The following MARCHF1 variants were observed in gnomAD, a reference collection of about 807,000 sequenced individuals.
The protein encoded by MARCHF1 is E3 ubiquitin-protein ligase MARCHF1.
Under a neutral mutation model 54.2 loss-of-function variants are expected in MARCHF1, and 40 were observed. The observed-to-expected ratio is 0.74, with a 90% confidence interval of 0.57 to 0.96. MARCHF1 has a LOEUF of 0.96. Ranked by LOEUF, MARCHF1 falls within the 40% of genes least tolerant of loss-of-function variation. The probability of loss-of-function intolerance (pLI) is 0.00; values close to 1 mark genes in which losing one functional copy is unlikely to be tolerated. For synonymous variants in MARCHF1, 236 were observed against 236.3 expected (o/e 1.00, Z 0.01); for missense variants, 586 against 656.5 (o/e 0.89, Z 1.17).
At chr4:164,181,502 A>G (rs1730833226) in intron 1 of MARCHF1, among the ~76,000 whole-genome samples, 1 of 152,210 alleles carries the variant, frequency 6.6e-6, no homozygotes, top group Admixed American at 6.5e-5. Context: ...AAAGACTTCA[A>G]TTTGAAGACA....
chr4:163,855,660 A>G (rs765482441), intron 3 of MARCHF1, among the ~76,000 whole-genome samples: 1 of 152,222 alleles, frequency 6.6e-6, no homozygotes, highest in South Asian at 2.1e-4. Flanking sequence ...CCATTTTGTC[A>G]ATTTTAACTC....
chr4:164,026,380 T>C (rs1428734618), intron 2 of MARCHF1, among the ~76,000 whole-genome samples: 2 of 152,152 alleles, frequency 1.3e-5, no homozygotes, highest in Non-Finnish European at 2.9e-5. Flanking sequence ...AAAAAGTTAA[T>C]ACACCACAAT....
At chr4:163,578,802 A>G (rs1740121884) in intron 8 of MARCHF1, among the ~76,000 whole-genome samples, 1 of 152,108 alleles carries the variant, frequency 6.6e-6, no homozygotes, top group Admixed American at 6.6e-5. Context: ...TATGCTCCCC[A>G]AGGGTAGGGT....
At chr4:163,647,381 C>T (rs1000208663) in intron 5 of MARCHF1, among the ~76,000 whole-genome samples, 1 of 151,938 alleles carries the variant, frequency 6.6e-6, no homozygotes, top group Non-Finnish European at 1.5e-5. Context: ...ATAAGAAACA[C>T]TGGACTTGAA....
At chr4:163,728,036 G>A (rs1388406553) in intron 4 of MARCHF1, among the ~76,000 whole-genome samples, 2 of 151,966 alleles carry the variant, frequency 1.3e-5, no homozygotes, top group Non-Finnish European at 2.9e-5. Flanking sequence ...CTGTATTTAT[G>A]TGAATCTACT....
At chr4:164,363,358 A>G (rs1261725207) in intron 1 of MARCHF1, among the ~76,000 whole-genome samples, 4 of 152,158 alleles carry the variant, frequency 2.6e-5, no homozygotes, top group Non-Finnish European at 5.9e-5. Context: ...CTTTCTCCTA[A>G]GAAGAAAATG....
chr4:163,596,714 A>T (rs1262140404), intron 7 of MARCHF1, among the ~76,000 whole-genome samples: 1 of 152,150 alleles, frequency 6.6e-6, no homozygotes, highest in Non-Finnish European at 1.5e-5. Flanking sequence ...AAACTTTCTC[A>T]GAGCTGCTAC....
At chr4:164,107,405 G>A (rs1282551954) in intron 2 of MARCHF1, among the ~76,000 whole-genome samples, 1 of 152,072 alleles carries the variant, frequency 6.6e-6, no homozygotes, top group Non-Finnish European at 1.5e-5. Context: ...CTGTTGTTCA[G>A]ATTAGAGTGC....
chr4:164,222,223 C>CTTTT, intron 1 of MARCHF1, among the ~76,000 whole-genome samples: 1 of 142,548 alleles, frequency 7.0e-6, no homozygotes, highest in South Asian at 2.2e-4. Context: ...CTGTCAACAC[C>CTTTT]TTTTTTTTTT....
intron 9 of MARCHF1, among the ~76,000 whole-genome samples, chr4:163,531,044 A>G (rs1010677095): frequency 6.6e-6 from 1 of 151,882 alleles, no homozygotes; most frequent in Admixed American, 6.6e-5. Context: ...TTACTAGTGG[A>G]TTCTACCAAA....
At chr4:164,113,577 A>G (rs1755880401) in intron 1 of MARCHF1, among the ~76,000 whole-genome samples, 1 of 152,020 alleles carries the variant, frequency 6.6e-6, no homozygotes, top group Non-Finnish European at 1.5e-5. Context: ...ATATTTGGGC[A>G]TTTGGTGAGG....
At chr4:164,096,196 G>C (rs182916906) in intron 2 of MARCHF1, among the ~76,000 whole-genome samples, 1 of 152,220 alleles carries the variant, frequency 6.6e-6, no homozygotes, top group Admixed American at 6.6e-5. Context: ...ACTGACTAAA[G>C]AATATGTGGT....
chr4:164,301,518 T>G (rs958579311), intron 1 of MARCHF1, among the ~76,000 whole-genome samples: 1 of 152,190 alleles, frequency 6.6e-6, no homozygotes, highest in African/African-American at 2.4e-5. Flanking sequence ...TTCACTATGG[T>G]GCTCAGGAGA....
At chr4:164,100,852 G>C (rs560634552) in intron 2 of MARCHF1, among the ~76,000 whole-genome samples, 6 of 152,282 alleles carry the variant, frequency 3.9e-5, no homozygotes, top group East Asian at 3.9e-4. Flanking sequence ...CTGAGGTACC[G>C]GGTTCATCTC....
At chr4:164,357,179 A>T (rs1167023674) in intron 1 of MARCHF1, among the ~76,000 whole-genome samples, 4 of 152,096 alleles carry the variant, frequency 2.6e-5, no homozygotes, top group Admixed American at 6.6e-5. Flanking sequence ...TTATCTTACA[A>T]TTCTAGGGGT....
intron 4 of MARCHF1, among the ~76,000 whole-genome samples, chr4:163,850,774 A>G (rs1749619215): frequency 6.6e-6 from 1 of 152,180 alleles, no homozygotes; most frequent in Non-Finnish European, 1.5e-5. Context: ...TACTCAAAAG[A>G]GATTGGAAAA....
chr4:164,259,545 A>C (rs1419807669), intron 1 of MARCHF1, among the ~76,000 whole-genome samples: 4 of 58,796 alleles, frequency 6.8e-5, no homozygotes, highest in African/African-American at 2.9e-4. Flanking sequence ...ACCGTGTCTC[A>C]AAAAAAAAAA....
intron 1 of MARCHF1, among the ~76,000 whole-genome samples, chr4:164,142,835 G>A (rs1050433579): frequency 4.6e-5 from 7 of 152,148 alleles, no homozygotes; most frequent in African/African-American, 7.2e-5. Flanking sequence ...TGACTTTGAC[G>A]AGCTGAGAGA....
intron 1 of MARCHF1, chr4:164,189,643 T>C: frequency 2.2e-6 from 2 of 923,204 alleles, no homozygotes; most frequent in Non-Finnish European, 1.8e-6. Flanking sequence ...TCCCCTTACA[T>C]TTGGTATTGA....
Sources: allele counts gnomAD v4.1 joint callset (sites outside exome capture counted in the v4.1 genomes callset), GRCh38; gene constraint gnomAD v4.1.1; transcripts MANE v1.5; gene names NCBI Gene and HGNC (gene_info 2026-07-23, HGNC 2026-07-21).